The following ABCA4 variants were observed in gnomAD, a reference collection of about 807,000 sequenced individuals.
The protein encoded by ABCA4 is ATP binding cassette subfamily A member 4, also known as retinal-specific phospholipid-transporting ATPase ABCA4.
ABCA4 carries 196 observed loss-of-function variants against 263.7 expected under a neutral mutation model. That is an observed-to-expected ratio of 0.74 (90% CI 0.66 to 0.84). ABCA4 has a LOEUF of 0.84. Among genes scored for constraint, ABCA4 ranks in the 40% least tolerant of loss-of-function variants. The pLI is 0.00. For missense variants in ABCA4, 2,792 were observed against 2,855.1 expected, an observed-to-expected ratio of 0.98 and a Z score of 0.50; for synonymous variants, 1,133 against 1,094.2, an observed-to-expected ratio of 1.04 and a Z score of -0.70.
intron 32 of ABCA4, 97 bp from the exon 33 acceptor site, chr1:94,022,048 G>C: frequency 1.0e-6 from 1 of 1,002,712 alleles, no homozygotes; most frequent in Middle Eastern, 2.0e-4. Flanking sequence ...ACTTTCGGGG[G>C]AATTGCCTGG....
rs372976742 is a variant in ABCA4, at chr1:94,098,821, G to A, written c.741C>T (p.Asn247=). 242 of 1,614,182 alleles carry A rather than the reference G, an allele frequency of 1.5e-4. 2 individuals are homozygous for A. The highest frequency in any genetic ancestry group is 1.3e-3 in the South Asian group (119 of 91,080). The part of the protein sequence containing the change: ...LQWIEDTLYA[N]VDFFKLFRVL... Reference sequence around the variant, plus strand: ...CACGGAAGAGCTTGAAGAAGTCCACGTTGGCATACAGAGTGTCTTCTATCC... The same window carrying A: ...CACGGAAGAGCTTGAAGAAGTCCACATTGGCATACAGAGTGTCTTCTATCC... Residue 247 remains asparagine (N), a synonymous_variant, in exon 6 of 50, where the codon AAC becomes AAT. Coordinates refer to ENST00000370225, the MANE Select transcript of ABCA4 (RefSeq NM_000350.3).
intron 16 of ABCA4, among the ~76,000 whole-genome samples, chr1:94,054,665 G>C (rs892234132): frequency 6.6e-6 from 1 of 152,164 alleles, no homozygotes; most frequent in Non-Finnish European, 1.5e-5. Flanking sequence ...TGGAGGAGTA[G>C]GGAAAATCGT....
intron 22 of ABCA4, 143 bp from the exon 23 acceptor site, chr1:94,041,545 A>C: frequency 1.3e-6 from 1 of 788,266 alleles, no homozygotes; most frequent in Non-Finnish European, 2.1e-6. Context: ...CTAATTCAGC[A>C]GCAAATTCCA....
intron 1 of ABCA4, 101 bp from the exon 2 acceptor site, chr1:94,113,167 A>G: frequency 9.0e-7 from 1 of 1,115,710 alleles, no homozygotes; most frequent in South Asian, 1.3e-5. Context: ...CCATGTGTGC[A>G]GTAGGACTTT....
chr1:94,034,176 C>T (rs12070573), intron 26 of ABCA4, among the ~76,000 whole-genome samples: 78,843 of 151,904 alleles, frequency 0.52, 20,650 homozygotes, highest in Middle Eastern at 0.56. Flanking sequence ...AACATGAACC[C>T]GTGATCATTT....
chr1:94,051,862 C>T (rs943029492), intron 16 of ABCA4, among the ~76,000 whole-genome samples, 164 bp from the exon 17 acceptor site: 7 of 152,216 alleles, frequency 4.6e-5, no homozygotes, highest in South Asian at 4.1e-4. Flanking sequence ...AGAAAGACTA[C>T]CCCTTCCAAC....
chr1:94,097,899 G>T (rs139461296), intron 6 of ABCA4, among the ~76,000 whole-genome samples: 3,489 of 152,186 alleles, frequency 0.023, 131 homozygotes, highest in African/African-American at 0.08. Flanking sequence ...ACAGGCGCCC[G>T]CCACCACACC....
At chr1:94,060,833 T>G in intron 13 of ABCA4, 74 bp from the exon 14 acceptor site, 1 of 1,251,934 alleles carries the variant, frequency 8.0e-7, no homozygotes. Flanking sequence ...GTTTGTTGAA[T>G]GAATGTGTTG....
In ABCA4 at chr1:94,022,242, C is replaced by T. The variant is rs1448560259; in HGVS notation, c.4668-291G>A. On this transcript the variant is annotated intron_variant, in intron 32 of 49. Coordinates refer to ENST00000370225, the MANE Select transcript of ABCA4 (RefSeq NM_000350.3). ...CTGGAGTGGCCTATTCTGGACATATCGAGTCACTTCCAGAGCTCCTCATGG... is the reference window on the plus strand; with the variant it reads ...CTGGAGTGGCCTATTCTGGACATATTGAGTCACTTCCAGAGCTCCTCATGG... 4.6e-5 allele frequency among the ~76,000 whole-genome samples: 7 copies of T among 152,172 alleles called. No individual in the cohort carries two copies. The East Asian group carries it at 5.8e-4, about 13-fold the overall frequency.
intron 4 of ABCA4, among the ~76,000 whole-genome samples, chr1:94,107,984 C>T (rs1481515132): frequency 6.6e-6 from 1 of 152,124 alleles, no homozygotes; most frequent in African/African-American, 2.4e-5. Context: ...GCATGTAGTC[C>T]AGTCCCTGCC....
chr1:94,113,014 A>T lies in ABCA4; in HGVS notation c.119T>A (p.Ile40Asn), dbSNP rs772400085. ...GAGTGGGTTGGCATTCCTTAACCAG[A>T]TCAAGACCAGAAATAAAGATAAAGG... The part of the protein sequence containing the change: ...VWPLSLFLVL[I>N]WLRNANPLYS... The change falls in exon 2 of 50, where the codon ATC (isoleucine) becomes AAC (asparagine). Residue 40 changes from isoleucine to asparagine, a missense_variant. By Grantham distance (149) the Ile-to-Asn change is moderately radical (BLOSUM62 -3). Transcript: ENST00000370225. The T allele has an allele frequency of 6.2e-7, 1 of 1,614,144 alleles. No individual in the cohort carries two copies. Among genetic ancestry groups the T allele is most frequent in the Non-Finnish European group, 8.5e-7 (1 of 1,180,012 alleles).
chr1:94,080,341 G>T, intron 8 of ABCA4, 137 bp downstream of exon 8: 2 of 1,211,516 alleles, frequency 1.7e-6, no homozygotes, highest in African/African-American at 1.5e-5. Flanking sequence ...GGACTTTCTG[G>T]GAGAAGTCTC....
chr1:94,079,805 G>A (rs139125247), intron 8 of ABCA4, among the ~76,000 whole-genome samples: 35 of 152,240 alleles, frequency 2.3e-4, no homozygotes, highest in African/African-American at 6.5e-4. Flanking sequence ...CAAGGCCCCC[G>A]CTTGGAATCT....
At chr1:93,997,213 G>A (rs17110736) in intron 48 of ABCA4, among the ~76,000 whole-genome samples, 20,922 of 152,160 alleles carry the variant, frequency 0.14, 2,395 homozygotes, top group African/African-American at 0.32. Flanking sequence ...TGGAATGCAC[G>A]TTTATCAAAA....
intron 24 of ABCA4, 59 bp from the exon 25 acceptor site, chr1:94,037,409 G>A: frequency 6.6e-7 from 1 of 1,520,334 alleles, no homozygotes; most frequent in South Asian, 1.1e-5. Context: ...AAGACTGTGA[G>A]GTTACCCAGA....
chr1:94,053,402 A>G (rs1400158980), intron 16 of ABCA4, among the ~76,000 whole-genome samples: 2 of 152,212 alleles, frequency 1.3e-5, no homozygotes, highest in Non-Finnish European at 2.9e-5. Flanking sequence ...CAACAACAAC[A>G]AAAAACCAAA....
intron 3 of ABCA4, among the ~76,000 whole-genome samples, chr1:94,109,908 G>T (rs1434805673): frequency 6.6e-6 from 1 of 152,110 alleles, no homozygotes; most frequent in Non-Finnish European, 1.5e-5. Flanking sequence ...AACTTTCCGG[G>T]TTCAAATGCC....
In ABCA4 at chr1:94,121,058, A is replaced by G. The variant is rs756518647; in HGVS notation, c.-13T>C. The G allele has an allele frequency of 3.8e-5, 61 of 1,613,788 alleles. No homozygotes were observed. Among genetic ancestry groups the G allele is most frequent in the Non-Finnish European group, 5.1e-5 (60 of 1,179,814 alleles). On this transcript the variant is annotated 5_prime_UTR_variant, in exon 1 of 50. Transcript: ENST00000370225. ...TCACGAAGCCCATGCTAATGACCACACGAAGACCAGATTGGTCAGAGCTGA... is the reference window on the plus strand; with the variant it reads ...TCACGAAGCCCATGCTAATGACCACGCGAAGACCAGATTGGTCAGAGCTGA...
intron 11 of ABCA4, among the ~76,000 whole-genome samples, chr1:94,064,757 G>A (rs1024221022): frequency 1.3e-5 from 2 of 152,158 alleles, no homozygotes; most frequent in Non-Finnish European, 2.9e-5. Flanking sequence ...GGACCGGACG[G>A]TTTGCCCTGC....
Sources: allele counts gnomAD v4.1 joint callset (sites outside exome capture counted in the v4.1 genomes callset), GRCh38; gene constraint gnomAD v4.1.1; transcripts MANE v1.5; gene names NCBI Gene and HGNC (gene_info 2026-07-23, HGNC 2026-07-21).